Variants in CTPS2 observed in about 807,000 individuals in gnomAD.
CTPS2 encodes the protein CTP synthase II.
Under a neutral mutation model 46.8 loss-of-function variants are expected in CTPS2, and 19 were observed. That is an observed-to-expected ratio of 0.41 (90% CI 0.28 to 0.60). The LOEUF is 0.60. Ranked by LOEUF, CTPS2 falls within the 20% of genes least tolerant of loss-of-function variation. The pLI is 0.35. For synonymous variants in CTPS2, 151 were observed against 165.2 expected (o/e 0.91, Z 0.66); for missense variants, 286 against 447.6 (o/e 0.64, Z 3.26).
chrX:16,604,681 GCT>G (rs759775454), intron 17 of CTPS2, among the ~76,000 whole-genome samples: 12 of 111,129 alleles, frequency 1.1e-4, no homozygotes, highest in African/African-American at 3.9e-4. Context: ...GAGATTAGAT[GCT>G]CTGTTTCTAG....
At chrX:16,654,520 A>C in intron 13 of CTPS2, 1 of 1,058,175 alleles carries the variant, frequency 9.5e-7, no homozygotes, top group East Asian at 3.0e-5. Context: ...AGGAGAAAAC[A>C]AAATAGAACC....
At chrX:16,705,317 T>C (rs1004992136) in intron 1 of CTPS2, among the ~76,000 whole-genome samples, 3 of 112,392 alleles carry the variant, frequency 2.7e-5, no homozygotes, top group African/African-American at 9.7e-5. Context: ...GTTACACCAG[T>C]CAAAACTACA....
chrX:16,623,037 T>A (rs1324232411), intron 14 of CTPS2, among the ~76,000 whole-genome samples: 1 of 112,237 alleles, frequency 8.9e-6, no homozygotes, highest in African/African-American at 3.2e-5. Context: ...AAAATCCAAA[T>A]GAATGGAACT....
intron 8 of CTPS2, among the ~76,000 whole-genome samples, chrX:16,685,084 T>A (rs1194463340): frequency 4.6e-5 from 5 of 109,360 alleles, no homozygotes; most frequent in Non-Finnish European, 1.9e-5. Context: ...GAGCCAGACT[T>A]CTTCTCCAAA....
chrX:16,693,250 C>T, intron 5 of CTPS2, 26 bp from the exon 6 acceptor site: 1 of 1,125,927 alleles, frequency 8.9e-7, no homozygotes, highest in Non-Finnish European at 1.2e-6. Flanking sequence ...GTCCCGTCAG[C>T]ACACTGGACA....
rs774859902 is a variant in CTPS2 at position 16,692,177 on chromosome X, G to A, written c.640-557C>T. On this transcript the variant is annotated intron_variant, in intron 6 of 18. Transcript: ENST00000359276. ...GACTAAAAATAAGAGCAGCGGACTGGGCGTGGTGCAATCCCAGCACTTTAG... is the reference window on the plus strand; with the variant it reads ...GACTAAAAATAAGAGCAGCGGACTGAGCGTGGTGCAATCCCAGCACTTTAG... Among the ~76,000 whole-genome samples, 3 of 110,964 alleles carry A rather than the reference G, an allele frequency of 2.7e-5. No individual in the cohort carries two copies. In the South Asian group the frequency reaches 1.1e-3, roughly 42 times the overall value.
chrX:16,630,376 A>T (rs192932337), intron 14 of CTPS2, among the ~76,000 whole-genome samples: 1 of 104,393 alleles, frequency 9.6e-6, no homozygotes, highest in Non-Finnish European at 1.9e-5. Context: ...TGCCTCAGCC[A>T]CCCGAGTTGC....
At chrX:16,614,919 G>A (rs1200859198) in intron 16 of CTPS2, among the ~76,000 whole-genome samples, 1 of 112,473 alleles carries the variant, frequency 8.9e-6, no homozygotes, top group Non-Finnish European at 1.9e-5. Flanking sequence ...GCTCATGCCT[G>A]TAATCCCAGC....
At chrX:16,662,873 T>C (rs1046012162) in intron 13 of CTPS2, among the ~76,000 whole-genome samples, 2 of 111,359 alleles carry the variant, frequency 1.8e-5, no homozygotes, top group African/African-American at 6.6e-5. Flanking sequence ...GCACACATCC[T>C]CTGACTTAGC....
At position 16,643,975 on chromosome X, in the gene CTPS2, C is replaced by T. The variant is rs185351216; in HGVS notation, c.1297-4732G>A. Among the ~76,000 whole-genome samples the T allele has an allele frequency of 2.4e-3, 270 of 111,542 alleles. 1 individual carries two copies. The highest frequency in any genetic ancestry group is 3.9e-3 in the Non-Finnish European group (207 of 53,100). On this transcript the variant is annotated intron_variant, in intron 13 of 18. Coordinates refer to ENST00000359276, the MANE Select transcript of CTPS2 (RefSeq NM_175859.3). The stretch of plus-strand genomic sequence containing the variant: ...TCATAATTAATGCCATTGTTATGCT[C>T]AGCCTACCAAATAAATAACCTATAC...
intron 1 of CTPS2, among the ~76,000 whole-genome samples, chrX:16,704,467 A>G (rs907736938): frequency 8.9e-6 from 1 of 112,081 alleles, no homozygotes; most frequent in Non-Finnish European, 1.9e-5. Context: ...AAAACTAGAG[A>G]GATAGTAAAA....
At chrX:16,680,997 C>T (rs1922699476) in intron 9 of CTPS2, among the ~76,000 whole-genome samples, 1 of 111,757 alleles carries the variant, frequency 8.9e-6, no homozygotes, top group Non-Finnish European at 1.9e-5. Context: ...ACCAGCCTGG[C>T]CAACATGAAG....
chrX:16,639,802 AAAG>A (rs1378229980), intron 13 of CTPS2, among the ~76,000 whole-genome samples: 1 of 108,187 alleles, frequency 9.2e-6, no homozygotes, highest in African/African-American at 3.4e-5. Flanking sequence ...AGAAAGAAAG[AAAG>A]AAAGAAAGAA....
chrX:16,594,034 T>C (rs764859502), intron 17 of CTPS2, among the ~76,000 whole-genome samples: 10 of 111,731 alleles, frequency 9.0e-5, no homozygotes, highest in Non-Finnish European at 1.7e-4. Context: ...CAACTTCCTA[T>C]CTGAGATGAC....
intron 16 of CTPS2, among the ~76,000 whole-genome samples, chrX:16,613,927 G>T (rs1321990341): frequency 9.0e-6 from 1 of 111,010 alleles, no homozygotes; most frequent in African/African-American, 3.3e-5. Flanking sequence ...AGATATTTTG[G>T]GTTGTCACAA....
At chrX:16,641,527 C>T (rs1325999338) in intron 13 of CTPS2, among the ~76,000 whole-genome samples, 1 of 112,528 alleles carries the variant, frequency 8.9e-6, no homozygotes, top group Non-Finnish European at 1.9e-5. Flanking sequence ...GCAGACAGAT[C>T]ACTGGAGCCA....
At chrX:16,692,281 AACACACAC>A (rs776817822) in intron 6 of CTPS2, among the ~76,000 whole-genome samples, 1 of 106,080 alleles carries the variant, frequency 9.4e-6, no homozygotes, top group Non-Finnish European at 2.0e-5. Flanking sequence ...TGTCTCTACA[AACACACAC>A]ACACACACAC....
chrX:16,638,250 G>C (rs1931864643), intron 14 of CTPS2, among the ~76,000 whole-genome samples: 1 of 94,769 alleles, frequency 1.1e-5, no homozygotes, highest in East Asian at 3.3e-4. Context: ...GCGAGACTCT[G>C]TCTCAAAAAA....
At chrX:16,669,318 G>A (rs192466416) in intron 11 of CTPS2, among the ~76,000 whole-genome samples, 5 of 108,995 alleles carry the variant, frequency 4.6e-5, no homozygotes, top group African/African-American at 1.7e-4. Context: ...ATGCTCCTCC[G>A]ATAGATACTT....
Sources: allele counts gnomAD v4.1 joint callset (sites outside exome capture counted in the v4.1 genomes callset), GRCh38; gene constraint gnomAD v4.1.1; transcripts MANE v1.5; gene names NCBI Gene and HGNC (gene_info 2026-07-23, HGNC 2026-07-21).